Variants in LSM6 observed in about 807,000 individuals in gnomAD.
LSM6 encodes the protein LSM6 homolog, U6 small nuclear RNA and mRNA degradation associated.
A neutral mutation model predicts 13.5 loss-of-function variants in LSM6; 2 were observed. That is an observed-to-expected ratio of 0.15 (90% confidence interval 0.06 to 0.47). The LOEUF (loss-of-function observed/expected upper bound fraction) is 0.47, where lower values mean the gene tolerates loss of function less well. Among genes scored for constraint, LSM6 ranks in the 20% least tolerant of loss-of-function variants. LSM6 has a pLI of 0.97. For synonymous variants in LSM6, 43 were observed against 34.9 expected, an observed-to-expected ratio of 1.23 and a Z score of -0.82; for missense variants, 58 against 96.4, an observed-to-expected ratio of 0.60 and a Z score of 1.67.
Position 146,189,606 on chromosome 4 carries a change from A to T in LSM6, c.209-16A>T, listed in dbSNP as rs540133418. The T allele has an allele frequency of 6.4e-7, 1 of 1,563,380 alleles. No individual in the cohort carries two copies. Among genetic ancestry groups the T allele is most frequent in the East Asian group, 2.3e-5 (1 of 44,340 alleles). On this transcript the variant is annotated splice_polypyrimidine_tract_variant and intron_variant, in intron 3 of 3. Transcript: ENST00000296581. Reference sequence around the variant, plus strand: ...GGGTTTTTTAAATTTCAATTTATGTATTTTTTTCTTTTCAGTGTTGTACAT... The same window carrying T: ...GGGTTTTTTAAATTTCAATTTATGTTTTTTTTTCTTTTCAGTGTTGTACAT...
At chr4:146,185,694 C>T (rs1039574752) in intron 2 of LSM6, among the ~76,000 whole-genome samples, 2 of 150,448 alleles carry the variant, frequency 1.3e-5, no homozygotes, top group South Asian at 2.1e-4. Flanking sequence ...TTTGCCTTTG[C>T]TGTGAGAATA....
At position 146,190,515 on chromosome 4, in the gene LSM6, T is replaced by G. The variant is rs1730448508; in HGVS notation, c.*859T>G. Reference sequence around the variant, plus strand: ...TTGCCGAGCTGAGATTGGGAAAGAATTTTTCCTAACTCTGGTCTAGCAAGT... The same window carrying G: ...TTGCCGAGCTGAGATTGGGAAAGAAGTTTTCCTAACTCTGGTCTAGCAAGT... On this transcript the variant is annotated 3_prime_UTR_variant, in exon 4 of 4. Coordinates refer to ENST00000296581, the MANE Select transcript of LSM6 (RefSeq NM_007080.3). 6.6e-6 allele frequency: 1 copy of G among 152,216 alleles called. No individual in the cohort carries two copies. Among genetic ancestry groups the G allele is most frequent in the Non-Finnish European group, 1.5e-5 (1 of 68,064 alleles). 9.4% of individuals were successfully genotyped at this position (152,216 alleles called of 1,614,324 possible).
intron 2 of LSM6, chr4:146,183,706 C>G (rs891557256): frequency 6.6e-6 from 1 of 151,894 alleles, no homozygotes; most frequent in African/African-American, 2.4e-5. Flanking sequence ...CAGAATACCA[C>G]AGACTGGGTC....
chr4:146,187,088 G>A (rs1730366396), intron 2 of LSM6, among the ~76,000 whole-genome samples, 186 bp from the exon 3 acceptor site: 3 of 152,216 alleles, frequency 2.0e-5, no homozygotes, highest in African/African-American at 7.2e-5. Context: ...TGCCTTCCTA[G>A]ACTTCATTCA....
chr4:146,176,933 C>T (rs905763507), intron 1 of LSM6, among the ~76,000 whole-genome samples: 2 of 152,154 alleles, frequency 1.3e-5, no homozygotes, highest in African/African-American at 4.8e-5. Context: ...CCTTCATACA[C>T]ATTGCTGCAG....
At position 146,184,352 on chromosome 4, in the gene LSM6, T is replaced by C. The variant is rs1047752101; in HGVS notation, c.94+1337T>C. 5.3e-5 allele frequency among the ~76,000 whole-genome samples: 8 copies of C among 152,158 alleles called. No homozygotes were observed. The South Asian group carries it at 8.3e-4, about 16-fold the overall frequency. On this transcript the variant is annotated intron_variant, in intron 2 of 3. Transcript: ENST00000296581. ...AGTCATAGTAATCTCTTGAGCTTTT[T>C]CCTTTGAAATCTCTATTGATTATCC...
intron 2 of LSM6, chr4:146,183,702 A>G: frequency 6.6e-6 from 1 of 152,052 alleles, no homozygotes; most frequent in East Asian, 1.9e-4. Context: ...ATAACAGAAT[A>G]CCACAGACTG....
At chr4:146,183,835 G>C (rs994188480) in intron 2 of LSM6, among the ~76,000 whole-genome samples, 8 of 148,852 alleles carry the variant, frequency 5.4e-5, no homozygotes, top group Middle Eastern at 3.5e-3. Context: ...AGATTTTGGT[G>C]CACCCGTCAC....
chr4:146,189,561 A>G (rs1730423212), intron 3 of LSM6, 61 bp from the exon 4 acceptor site: 6 of 1,055,536 alleles, frequency 5.7e-6, no homozygotes, highest in Middle Eastern at 2.2e-4. Flanking sequence ...TAAACTTGCT[A>G]CTATGTATAC....
At chr4:146,175,915 A>G (rs1390690294) in intron 1 of LSM6, 104 bp downstream of exon 1, 1 of 152,290 alleles carries the variant, frequency 6.6e-6, no homozygotes, top group African/African-American at 2.4e-5. Context: ...CAGCGGCCCT[A>G]GGCCGGGCGA....
intron 1 of LSM6, 147 bp downstream of exon 1, chr4:146,175,958 CTGG>C (rs1384106770): frequency 6.6e-6 from 1 of 152,662 alleles, no homozygotes; most frequent in East Asian, 1.9e-4. Context: ...GGTGAACAGG[CTGG>C]GGCTCCGGGA....
intron 1 of LSM6, chr4:146,176,362 A>G (rs1031264701): frequency 1.3e-5 from 2 of 152,258 alleles, no homozygotes; most frequent in Non-Finnish European, 2.9e-5. Context: ...ACCCGATTGT[A>G]TGGTCTTAAG....
At chr4:146,185,253 T>G (rs1158573194) in intron 2 of LSM6, among the ~76,000 whole-genome samples, 1 of 152,204 alleles carries the variant, frequency 6.6e-6, no homozygotes, top group African/African-American at 2.4e-5. Context: ...CCAACTCTTG[T>G]ATTAGCTTTT....
In LSM6 at chr4:146,182,924, GAGTC is replaced by G; in HGVS notation, c.4_7del (p.Ser2PhefsTer10). On this transcript the variant is annotated frameshift_variant, in exon 2 of 4. Coordinates refer to ENST00000296581, the MANE Select transcript of LSM6 (RefSeq NM_007080.3). LOFTEE classifies it high-confidence loss of function. ...TATTTTGATTTAGGATTGTTAAAAT[GAGTC>G]TTCGGAAGCAAACCCCTAGTGACTT... is the stretch of plus-strand genomic sequence containing the variant. 6.2e-7 allele frequency: 1 copy of G among 1,601,480 alleles called. No individual in the cohort carries two copies. The highest frequency in any genetic ancestry group is 8.6e-7 in the Non-Finnish European group (1 of 1,168,676).
In LSM6 at chr4:146,185,508, C is replaced by CAAA. The variant is rs542139047; in HGVS notation, c.95-1752_95-1750dup. Among the ~76,000 whole-genome samples the CAAA allele has an allele frequency of 3.1e-4, 31 of 98,494 alleles. 1 individual carries two copies. The highest frequency in any genetic ancestry group is 9.2e-4 in the African/African-American group (27 of 29,362). 64.6% of individuals were successfully genotyped at this position (98,494 alleles called of 152,430 possible). A position where few individuals can be genotyped will look rare whatever the true frequency, so the allele number is the denominator to read the frequency against. ...ACCCCAAAGCAAAACAACAACATAC[C>CAAA]AAAAAAAAAAAAAAAAGAAAAACTC... On this transcript the variant is annotated intron_variant, in intron 2 of 3. Coordinates refer to ENST00000296581, the MANE Select transcript of LSM6 (RefSeq NM_007080.3).
At chr4:146,181,402 A>G (rs530738515) in intron 1 of LSM6, 3 of 152,332 alleles carry the variant, frequency 2.0e-5, no homozygotes, top group East Asian at 3.9e-4. Context: ...GCCTTTGTGT[A>G]TGACATGTTT....
At chr4:146,182,856 T>G (rs1369279128) in intron 1 of LSM6, 56 bp from the exon 2 acceptor site, 1 of 1,035,428 alleles carries the variant, frequency 9.7e-7, no homozygotes, top group Non-Finnish European at 1.5e-6. Flanking sequence ...AGGGTTTTGT[T>G]GAATAATCAA....
intron 2 of LSM6, among the ~76,000 whole-genome samples, chr4:146,186,597 C>T (rs2110889437): frequency 6.6e-6 from 1 of 152,238 alleles, no homozygotes; most frequent in African/African-American, 2.4e-5. Context: ...ATGTTTTTGG[C>T]CATTTTCTCT....
intron 2 of LSM6, among the ~76,000 whole-genome samples, chr4:146,184,532 A>G (rs1024046231): frequency 6.6e-6 from 1 of 152,202 alleles, no homozygotes; most frequent in African/African-American, 2.4e-5. Context: ...TAATGGATTC[A>G]TACGGAATAC....
Sources: allele counts gnomAD v4.1 joint callset (sites outside exome capture counted in the v4.1 genomes callset), GRCh38; gene constraint gnomAD v4.1.1; transcripts MANE v1.5; gene names NCBI Gene and HGNC (gene_info 2026-07-23, HGNC 2026-07-21).